NELL2: variants seen among roughly 807,000 people sequenced by gnomAD.
NELL2 encodes neural EGFL like 2.
In NELL2, 41 loss-of-function variants were observed where a neutral mutation model predicts 109.6. The observed-to-expected ratio is 0.37, with a 90% CI of 0.29 to 0.49. NELL2 has a LOEUF of 0.49. NELL2 is among the 20% of genes least tolerant of loss of function. NELL2 has a pLI of 0.98. For synonymous variants in NELL2, 355 were observed against 344.7 expected (o/e 1.03, Z -0.33); for missense variants, 900 against 1,008.3 (o/e 0.89, Z 1.45).
intron 2 of NELL2, among the ~76,000 whole-genome samples, chr12:44,846,118 A>T (rs971297115): frequency 6.6e-6 from 1 of 152,202 alleles, no homozygotes; most frequent in Admixed American, 6.5e-5. Context: ...GAAGTTACTG[A>T]CTTGGCCATG....
intron 15 of NELL2, among the ~76,000 whole-genome samples, chr12:44,594,299 A>AT (rs1944875320): frequency 6.6e-6 from 1 of 151,728 alleles, no homozygotes; most frequent in Admixed American, 6.6e-5. Context: ...TTTTAAAAAT[A>AT]TATTATATAT....
chr12:44,742,576 T>C (rs1046332182), intron 9 of NELL2, among the ~76,000 whole-genome samples: 64 of 152,214 alleles, frequency 4.2e-4, no homozygotes, highest in African/African-American at 1.5e-3. Flanking sequence ...ATTAGACGAA[T>C]GGATAACTAG....
intron 12 of NELL2, among the ~76,000 whole-genome samples, chr12:44,700,449 A>G (rs939231678): frequency 2.0e-5 from 3 of 152,098 alleles, no homozygotes; most frequent in African/African-American, 7.2e-5. Flanking sequence ...CCTGCTTCTC[A>G]TTATCAGTCT....
At chr12:44,579,395 C>T (rs1944242332) in intron 15 of NELL2, among the ~76,000 whole-genome samples, 1 of 152,136 alleles carries the variant, frequency 6.6e-6, no homozygotes, top group South Asian at 2.1e-4. Context: ...GTTTGCTGTG[C>T]CAACAGGCAT....
At chr12:44,598,373 G>A (rs984109968) in intron 15 of NELL2, among the ~76,000 whole-genome samples, 1 of 151,474 alleles carries the variant, frequency 6.6e-6, no homozygotes, top group Admixed American at 6.6e-5. Context: ...ATTTAGGAAC[G>A]GAAAAAAACA....
chr12:44,625,176 CTG>C (rs1943109733), intron 13 of NELL2, among the ~76,000 whole-genome samples: 3 of 151,846 alleles, frequency 2.0e-5, no homozygotes, highest in African/African-American at 7.3e-5. Flanking sequence ...TTTGCCTAAA[CTG>C]TTTCCTTAGA....
chr12:44,897,374 C>T (rs1377436555), intron 1 of NELL2, among the ~76,000 whole-genome samples: 3 of 152,012 alleles, frequency 2.0e-5, no homozygotes, highest in Non-Finnish European at 4.4e-5. Flanking sequence ...CCCAGCAAGA[C>T]CAACACAGAA....
intron 2 of NELL2, among the ~76,000 whole-genome samples, chr12:44,837,270 G>A (rs1399062815): frequency 1.3e-5 from 2 of 152,088 alleles, no homozygotes; most frequent in African/African-American, 4.8e-5. Context: ...TTCACATATT[G>A]GACCACATTA....
intron 19 of NELL2, among the ~76,000 whole-genome samples, chr12:44,514,733 C>T (rs908729961): frequency 2.0e-5 from 3 of 151,160 alleles, no homozygotes; most frequent in Non-Finnish European, 4.4e-5. Context: ...ATAAAATATA[C>T]CATTTTTCTT....
intron 7 of NELL2, among the ~76,000 whole-genome samples, chr12:44,776,508 T>G (rs1263746631): frequency 1.3e-5 from 2 of 152,212 alleles, no homozygotes; most frequent in Non-Finnish European, 2.9e-5. Context: ...AAATTCAGAA[T>G]TTATGTTGTA....
At chr12:44,523,759 CA>C (rs1258656250) in intron 16 of NELL2, 1 of 390,538 alleles carries the variant, frequency 2.6e-6, no homozygotes, top group Non-Finnish European at 4.6e-6. Context: ...CTTTATGAAA[CA>C]TTTTTATTTT....
intron 1 of NELL2, among the ~76,000 whole-genome samples, chr12:44,882,834 C>CTTT (rs35577007): frequency 1.1e-3 from 77 of 73,312 alleles, no homozygotes; most frequent in East Asian, 5.3e-3. Flanking sequence ...GGCTATATAC[C>CTTT]TTTTTTTTTT....
chr12:44,790,386 C>A (rs142445361), intron 3 of NELL2, among the ~76,000 whole-genome samples: 1 of 151,998 alleles, frequency 6.6e-6, no homozygotes, highest in Non-Finnish European at 1.5e-5. Flanking sequence ...AAGCATCATA[C>A]ATGAAGGAAA....
chr12:44,601,493 A>G (rs1945220511), intron 15 of NELL2, among the ~76,000 whole-genome samples: 1 of 152,194 alleles, frequency 6.6e-6, no homozygotes, highest in African/African-American at 2.4e-5. Flanking sequence ...TTAAACCACT[A>G]TAGTACAGTA....
chr12:44,835,015 A>G (rs1227910711), intron 2 of NELL2, among the ~76,000 whole-genome samples: 3 of 152,158 alleles, frequency 2.0e-5, no homozygotes, highest in Non-Finnish European at 2.9e-5. Context: ...CCAAAGCCCA[A>G]TTGGGGTCAC....
intron 13 of NELL2, among the ~76,000 whole-genome samples, chr12:44,621,203 C>T (rs988417316): frequency 6.6e-6 from 1 of 152,156 alleles, no homozygotes; most frequent in Non-Finnish European, 1.5e-5. Context: ...CTTTGCTTAA[C>T]TCTTCTACTC....
chr12:44,648,521 A>G (rs914587044), intron 13 of NELL2, among the ~76,000 whole-genome samples: 2 of 152,032 alleles, frequency 1.3e-5, no homozygotes, highest in African/African-American at 4.8e-5. Context: ...TCTGTGGGCG[A>G]TAAGTCAACG....
chr12:44,897,279 A>C (rs1234925285), intron 1 of NELL2, among the ~76,000 whole-genome samples: 1 of 152,130 alleles, frequency 6.6e-6, no homozygotes, highest in East Asian at 1.9e-4. Flanking sequence ...AGACATGAGA[A>C]AGAGGAGTGT....
At chr12:44,739,553 T>C (rs1235598809) in intron 9 of NELL2, among the ~76,000 whole-genome samples, 3 of 152,190 alleles carry the variant, frequency 2.0e-5, no homozygotes, top group Non-Finnish European at 4.4e-5. Flanking sequence ...GAGTATTTTA[T>C]GATGTAAAAT....
Sources: allele counts gnomAD v4.1 joint callset (sites outside exome capture counted in the v4.1 genomes callset), GRCh38; gene constraint gnomAD v4.1.1; transcripts MANE v1.5; gene names NCBI Gene and HGNC (gene_info 2026-07-23, HGNC 2026-07-21).